BARX2: variants seen among roughly 807,000 people sequenced by gnomAD.
The protein encoded by BARX2 is BARX homeobox 2.
Under a neutral mutation model 25.5 loss-of-function variants are expected in BARX2, and 11 were observed. The ratio of observed to expected loss-of-function variants is 0.43; its 90% CI spans 0.27 to 0.71. The LOEUF is 0.71. BARX2 is among the 30% of genes least tolerant of loss of function. BARX2 has a pLI of 0.19. For missense variants in BARX2, 360 were observed against 359.9 expected (o/e 1.00, Z 0.00); for synonymous variants, 137 against 149.5 (o/e 0.92, Z 0.61).
At chr11:129,380,033 G>A (rs1206955273) in intron 1 of BARX2, among the ~76,000 whole-genome samples, 2 of 151,862 alleles carry the variant, frequency 1.3e-5, no homozygotes, top group African/African-American at 4.8e-5. Context: ...TAAAATCATA[G>A]ATCAATATCC....
chr11:129,443,009 G>C (rs1020133474), intron 3 of BARX2, 90 bp downstream of exon 3: 1 of 1,217,006 alleles, frequency 8.2e-7, no homozygotes, highest in Non-Finnish European at 1.2e-6. Context: ...CCATTTGGCA[G>C]TTTGGGCTGC....
chr11:129,422,967 T>A (rs1862022448), intron 1 of BARX2, among the ~76,000 whole-genome samples: 1 of 152,026 alleles, frequency 6.6e-6, no homozygotes, highest in Non-Finnish European at 1.5e-5. Context: ...CCTCCCAAAG[T>A]GCTGGGATTA....
Position 129,436,382 on chromosome 11 carries a change from A to G in BARX2, c.188-369A>G, listed in dbSNP as rs1006350158. On this transcript the variant is annotated intron_variant, in intron 1 of 3. Transcript: ENST00000281437. This position sits in a 1 kb window ranked among gnomAD's most constrained non-coding sequence, Gnocchi z 4.5. ...CAGGAAGTTTGCATATTACAAATCTATTTCGGGTTTCTGAAATATGTGTCT... is the reference window on the plus strand; with the variant it reads ...CAGGAAGTTTGCATATTACAAATCTGTTTCGGGTTTCTGAAATATGTGTCT... 2 of 231,120 alleles carry G rather than the reference A, an allele frequency of 8.7e-6. No individual in the cohort carries two copies. The highest frequency in any genetic ancestry group is 4.5e-5 in the African/African-American group (2 of 44,526). The allele number at this position is 231,120 out of a possible 1,614,324, so 14.3% of individuals were successfully genotyped here. A position where few individuals can be genotyped will look rare whatever the true frequency, so the allele number is the denominator to read the frequency against.
At position 129,410,008 on chromosome 11, in the gene BARX2, T is replaced by C. The variant is rs921329569; in HGVS notation, c.188-26743T>C. On this transcript the variant is annotated intron_variant, in intron 1 of 3. Coordinates refer to ENST00000281437, the MANE Select transcript of BARX2 (RefSeq NM_003658.5). ...TATCTTAGAACCTTGACTTAACTTATATGGGCCTTAATAGCCTCATCTATA... is the reference window on the plus strand; with the variant it reads ...TATCTTAGAACCTTGACTTAACTTACATGGGCCTTAATAGCCTCATCTATA... Among the ~76,000 whole-genome samples, 5 of 152,336 alleles carry C rather than the reference T, an allele frequency of 3.3e-5. No homozygotes were observed. The East Asian group carries it at 7.7e-4, about 23-fold the overall frequency.
chr11:129,422,691 T>C (rs1359291359), intron 1 of BARX2, among the ~76,000 whole-genome samples: 3 of 145,382 alleles, frequency 2.1e-5, no homozygotes, highest in Non-Finnish European at 4.5e-5. Context: ...TTTAGTTGAA[T>C]TGGATTTTAT....
At chr11:129,435,676 T>G (rs1381937779) in intron 1 of BARX2, among the ~76,000 whole-genome samples, 2 of 152,216 alleles carry the variant, frequency 1.3e-5, no homozygotes, top group African/African-American at 4.8e-5. Context: ...GTTTGAAGGA[T>G]TCTTTAGAAT....
intron 1 of BARX2, among the ~76,000 whole-genome samples, chr11:129,411,701 G>T (rs1188992309): frequency 1.3e-5 from 2 of 152,230 alleles, no homozygotes; most frequent in Non-Finnish European, 2.9e-5. Flanking sequence ...GCTGGGAGCT[G>T]AGCTACTTCT....
intron 1 of BARX2, among the ~76,000 whole-genome samples, chr11:129,426,879 AG>A (rs1250258300): frequency 4.6e-5 from 7 of 151,988 alleles, no homozygotes; most frequent in Non-Finnish European, 7.4e-5. Flanking sequence ...ATGTCCAGCC[AG>A]GTGAGCCCTT....
intron 1 of BARX2, among the ~76,000 whole-genome samples, chr11:129,397,380 C>T (rs1308614903): frequency 6.6e-6 from 1 of 152,028 alleles, no homozygotes; most frequent in Non-Finnish European, 1.5e-5. Flanking sequence ...GCTCACTTGC[C>T]TCTTTTTGTG....
intron 2 of BARX2, 182 bp downstream of exon 2, chr11:129,437,233 A>G: frequency 1.5e-6 from 1 of 686,538 alleles, no homozygotes. Flanking sequence ...TGAATCCACC[A>G]CACGGTCCCT....
In BARX2 at chr11:129,376,914, G is replaced by A. The variant is rs1861510428; in HGVS notation, c.187+692G>A. Among the ~76,000 whole-genome samples, 1 of 152,192 alleles carries A rather than the reference G, an allele frequency of 6.6e-6. No individual in the cohort carries two copies. Among genetic ancestry groups the A allele is most frequent in the Non-Finnish European group, 1.5e-5 (1 of 68,044 alleles). On this transcript the variant is annotated intron_variant, in intron 1 of 3. Coordinates refer to ENST00000281437, the MANE Select transcript of BARX2 (RefSeq NM_003658.5). The surrounding 1 kb of genome is among the most constrained non-coding windows in gnomAD (Gnocchi z 4.2). ...CTCTTCACGGGAGGTAAGAGCAATA[G>A]TAAAGATAAAGAGAACTTAATACAT... is the stretch of plus-strand genomic sequence containing the variant.
At chr11:129,431,971 CTCT>C (rs1862134168) in intron 1 of BARX2, among the ~76,000 whole-genome samples, 1 of 149,202 alleles carries the variant, frequency 6.7e-6, no homozygotes, top group African/African-American at 2.5e-5. Context: ...GAGGTCAAGG[CTCT>C]TATTATTTTA....
chr11:129,395,078 T>C (rs1861704151), intron 1 of BARX2, among the ~76,000 whole-genome samples: 1 of 152,222 alleles, frequency 6.6e-6, no homozygotes, highest in Non-Finnish European at 1.5e-5. Context: ...ATTTCTAAAT[T>C]AGAAGCCACA....
intron 3 of BARX2, among the ~76,000 whole-genome samples, chr11:129,446,076 AC>A (rs1281044922): frequency 6.6e-6 from 1 of 152,148 alleles, no homozygotes; most frequent in Non-Finnish European, 1.5e-5. Context: ...AGCATTGGTA[AC>A]CTATAGCGGG....
At chr11:129,402,324 CA>C (rs144261896) in intron 1 of BARX2, among the ~76,000 whole-genome samples, 11 of 145,276 alleles carry the variant, frequency 7.6e-5, no homozygotes, top group Admixed American at 2.0e-4. Context: ...TTCCCCATTC[CA>C]AAAAAAAAAG....
Position 129,436,803 on chromosome 11 carries a change from C to T in BARX2, c.240C>T (p.Pro80=). The T allele has an allele frequency of 6.2e-7, 1 of 1,612,762 alleles. No individual in the cohort carries two copies. The highest frequency in any genetic ancestry group is 8.5e-7 in the Non-Finnish European group (1 of 1,179,342). Residue 80 remains proline (P), a synonymous_variant, in exon 2 of 4, where the codon CCC becomes CCT. Coordinates refer to ENST00000281437, the MANE Select transcript of BARX2 (RefSeq NM_003658.5). The surrounding 1 kb of genome is among the most constrained non-coding windows in gnomAD (Gnocchi z 4.5). ...YPLLSVITRQ[P]TVISHLVPAT... is the part of the protein sequence containing the mutation. ...TCCTCTCGGTGATCACCCGCCAGCC[C>T]ACTGTCATCTCCCACCTGGTCCCTG...
chr11:129,434,095 A>C (rs1591444756), intron 1 of BARX2, among the ~76,000 whole-genome samples: 1 of 150,936 alleles, frequency 6.6e-6, no homozygotes, highest in South Asian at 2.1e-4. Flanking sequence ...TAGACTTTTA[A>C]AAATGCATTT....
chr11:129,452,125 T>G lies in BARX2; in HGVS notation c.*723T>G, dbSNP rs1862410469. 6.6e-6 allele frequency: 1 copy of G among 152,070 alleles called. No homozygotes were observed. Among genetic ancestry groups the G allele is most frequent in the African/African-American group, 2.4e-5 (1 of 41,418 alleles). The allele number at this position is 152,070 out of a possible 1,614,324, so 9.4% of individuals were successfully genotyped here. ...CCTAAGCTTGTGGGAGTTATTTCTA[T>G]CCTACTGCTCAAGGTCATCACCAAG... is the stretch of plus-strand genomic sequence containing the variant. On this transcript the variant is annotated 3_prime_UTR_variant, in exon 4 of 4. Transcript: ENST00000281437.
chr11:129,445,014 AAAAT>A (rs985690238), intron 3 of BARX2, among the ~76,000 whole-genome samples: 1 of 136,886 alleles, frequency 7.3e-6, no homozygotes, highest in African/African-American at 3.7e-5. Flanking sequence ...AAATAAAAAT[AAAAT>A]AAATAAATAA....
Sources: allele counts gnomAD v4.1 joint callset (sites outside exome capture counted in the v4.1 genomes callset), GRCh38; gene constraint gnomAD v4.1.1; non-coding constraint Gnocchi (gnomAD v3.1); transcripts MANE v1.5; gene names NCBI Gene and HGNC (gene_info 2026-07-23, HGNC 2026-07-21).